The following PCDHGA3 variants were observed in gnomAD, a reference collection of about 807,000 sequenced individuals.
The protein encoded by PCDHGA3 is protocadherin gamma subfamily A, 3, also known as protocadherin gamma-A3.
Under a neutral mutation model 58.5 loss-of-function variants are expected in PCDHGA3, and 40 were observed. The observed-to-expected ratio is 0.68, with a 90% CI of 0.53 to 0.89. The LOEUF (loss-of-function observed/expected upper bound fraction) is 0.89, where lower values mean the gene tolerates loss of function less well. Among genes scored for constraint, PCDHGA3 ranks in the 40% least tolerant of loss-of-function variants. The pLI is 0.00. For synonymous variants in PCDHGA3, 530 were observed against 525.7 expected (o/e 1.01, Z -0.11); for missense variants, 1,223 against 1,195.9 (o/e 1.02, Z -0.33).
rs1299543517 is a variant in PCDHGA3, at chr5:141,344,385, G to T, written c.352G>T (p.Glu118Ter). The T allele has an allele frequency of 2.5e-6, 4 of 1,612,432 alleles. No homozygotes were observed. In the Admixed American group the frequency reaches 5.0e-5, roughly 20 times the overall value. The change falls in exon 1 of 4, where the codon GAA becomes TAA. Residue 118 changes from glutamate (E) to a stop codon, truncating the protein, a stop_gained. Coordinates refer to ENST00000253812, the MANE Select transcript of PCDHGA3 (RefSeq NM_018916.4). LOFTEE classifies it high-confidence loss of function. ...GGTTGAGGATAAATTGAAAATTTTT[G>T]AAGTAGAAATAGAAATTAAAGATAT... ...ILVEDKLKIF[E>*]VEIEIKDIND... is the part of the protein sequence containing the mutation.
In PCDHGA3 at chr5:141,432,976, C is replaced by A. The variant is rs373558125; in HGVS notation, c.2425-61831C>A. The stretch of plus-strand genomic sequence containing the variant: ...GCTTGACAGGAGCGCCGGCGTCGCA[C>A]TTTGTGGGCGTGGACGGGGTGCAGG... On this transcript the variant is annotated intron_variant, in intron 1 of 3. Coordinates refer to ENST00000253812, the MANE Select transcript of PCDHGA3 (RefSeq NM_018916.4). This position sits in a 1 kb window ranked among gnomAD's most constrained non-coding sequence, Gnocchi z 6.0. 1 of 1,614,210 alleles carries A rather than the reference C, an allele frequency of 6.2e-7. No individual in the cohort carries two copies.
At chr5:141,371,652 G>A (rs1158442459) in intron 1 of PCDHGA3, 1 of 1,614,048 alleles carries the variant, frequency 6.2e-7, no homozygotes, top group East Asian at 2.2e-5. Flanking sequence ...AGAATACAAT[G>A]TGACGATCAC....
rs557968224 is a variant in PCDHGA3, at chr5:141,360,941, G to A, written c.2424+14484G>A. On this transcript the variant is annotated intron_variant, in intron 1 of 3. Coordinates refer to ENST00000253812, the MANE Select transcript of PCDHGA3 (RefSeq NM_018916.4). ...GTGCTTCAAGTGACAGCCACCGACC[G>A]GGATGAAGGCATAAACGCAGAGATC... The A allele has an allele frequency of 2.5e-6, 4 of 1,613,946 alleles. No homozygotes were observed. The South Asian group carries it at 3.3e-5, about 13-fold the overall frequency.
At chr5:141,422,434 T>C in intron 1 of PCDHGA3, 5 of 1,609,566 alleles carry the variant, frequency 3.1e-6, no homozygotes, top group Non-Finnish European at 3.4e-6. Context: ...TGGAAATTAT[T>C]ACAAATTGAT....
At chr5:141,394,430 C>T (rs2150569215) in intron 1 of PCDHGA3, 1 of 1,614,244 alleles carries the variant, frequency 6.2e-7, no homozygotes, top group African/African-American at 1.3e-5. Context: ...ACAGCGGGGA[C>T]CCGCCCCTCA....
intron 1 of PCDHGA3, chr5:141,398,210 C>T (rs755562930): frequency 1.3e-6 from 2 of 1,483,862 alleles, no homozygotes; most frequent in South Asian, 1.3e-5. Flanking sequence ...TTCTGCCCGG[C>T]GCTCTGTGAG....
Position 141,344,822 on chromosome 5 carries a change from G to C in PCDHGA3, c.789G>C (p.Thr263=). ...TGCCTGTGGGTACCCGGCTGCTCACGGTGAATGCCACTGACCCTGACGAGG... is the reference window on the plus strand; with the variant it reads ...TGCCTGTGGGTACCCGGCTGCTCACCGTGAATGCCACTGACCCTGACGAGG... The part of the protein sequence containing the change: ...ENVPVGTRLL[T]VNATDPDEGF... The change falls in exon 1 of 4, where the codon ACG becomes ACC. Residue 263 remains threonine (T), a synonymous_variant. Coordinates refer to ENST00000253812, the MANE Select transcript of PCDHGA3 (RefSeq NM_018916.4). 6.2e-7 allele frequency: 1 copy of C among 1,613,948 alleles called. No individual in the cohort carries two copies. Among genetic ancestry groups the C allele is most frequent in the South Asian group, 1.1e-5 (1 of 91,078 alleles).
At chr5:141,426,033 C>G (rs978171140) in intron 1 of PCDHGA3, among the ~76,000 whole-genome samples, 14 of 152,162 alleles carry the variant, frequency 9.2e-5, no homozygotes, top group African/African-American at 3.1e-4. Context: ...AGACTCAGAG[C>G]CCTGCTGTTG....
intron 1 of PCDHGA3, chr5:141,395,105 G>T: frequency 1.9e-6 from 3 of 1,614,220 alleles, no homozygotes; most frequent in Non-Finnish European, 2.5e-6. Context: ...CCGACTCGCG[G>T]AAGAGTCACC....
intron 1 of PCDHGA3, chr5:141,395,737 A>T (rs2093305517): frequency 6.5e-6 from 1 of 152,906 alleles, no homozygotes; most frequent in Non-Finnish European, 1.5e-5. Flanking sequence ...TTCACTTTAA[A>T]CCTCTTTTCT....
chr5:141,350,772 C>A, intron 1 of PCDHGA3: 1 of 1,613,910 alleles, frequency 6.2e-7, no homozygotes, highest in South Asian at 1.1e-5. Flanking sequence ...ACCATCAACC[C>A]CAATCAATAC....
In PCDHGA3 at chr5:141,365,219, A is replaced by G. The variant is rs569659080; in HGVS notation, c.2424+18762A>G. 1.4e-5 allele frequency: 22 copies of G among 1,613,962 alleles called. No homozygotes were observed. The Admixed American group carries it at 2.3e-4, about 17-fold the overall frequency. ...TTCGGAGACTTTCCAACTTGATTCC[A>G]ACCTGGGGGAAATCTCAACTCTACA... On this transcript the variant is annotated intron_variant, in intron 1 of 3. Coordinates refer to ENST00000253812, the MANE Select transcript of PCDHGA3 (RefSeq NM_018916.4).
rs1457243337 is a variant in PCDHGA3 at position 141,493,567 on chromosome 5, C to T, written c.2425-1240C>T. Reference sequence around the variant, plus strand: ...TTTGGAGATTGAGTTCCCCCAGCTCCGTTTCCTCCTATCACAATCACTGCA... The same window carrying T: ...TTTGGAGATTGAGTTCCCCCAGCTCTGTTTCCTCCTATCACAATCACTGCA... On this transcript the variant is annotated intron_variant, in intron 1 of 3. Transcript: ENST00000253812. This position sits in a 1 kb window ranked among gnomAD's most constrained non-coding sequence, Gnocchi z 4.3. Among the ~76,000 whole-genome samples, 3 of 152,266 alleles carry T rather than the reference C, an allele frequency of 2.0e-5. No individual in the cohort carries two copies. The highest frequency in any genetic ancestry group is 4.4e-5 in the Non-Finnish European group (3 of 68,018).
At chr5:141,359,997 C>A in intron 1 of PCDHGA3, 1 of 1,120,990 alleles carries the variant, frequency 8.9e-7, no homozygotes, top group Non-Finnish European at 1.2e-6. Context: ...GAACTTCCTG[C>A]ACAAACCAAC....
At chr5:141,370,542 C>A in intron 1 of PCDHGA3, 1 of 1,613,902 alleles carries the variant, frequency 6.2e-7, no homozygotes, top group Non-Finnish European at 8.5e-7. Flanking sequence ...GGTAGGGAAC[C>A]TCGCCAAGGA....
Position 141,383,159 on chromosome 5 carries a change from CG to C in PCDHGA3, c.2424+36705del, listed in dbSNP as rs546342817. ...CAGCGCAGCGGCAGCTTGGTCACTG[CG>C]GGCAGGATAGACCGGGAAGAGATCT... On this transcript the variant is annotated intron_variant, in intron 1 of 3. Transcript: ENST00000253812. 2.4e-4 allele frequency: 391 copies of C among 1,614,104 alleles called. 5 individuals are homozygous for C. In the South Asian group the frequency reaches 3.9e-3, roughly 16 times the overall value.
At chr5:141,409,069 A>G (rs886525915) in intron 1 of PCDHGA3, 5 of 1,614,008 alleles carry the variant, frequency 3.1e-6, no homozygotes, top group Non-Finnish European at 4.2e-6. Context: ...AGAGCACAAA[A>G]CATATGTTCT....
At position 141,344,118 on chromosome 5, in the gene PCDHGA3, G is replaced by T. The variant is rs780017426; in HGVS notation, c.85G>T (p.Gly29Cys). Residue 29 changes from glycine to cysteine, a missense_variant, in exon 1 of 4, where the codon GGT becomes TGT. Gly to Cys is a radical substitution (Grantham distance 159, BLOSUM62 -3). Transcript: ENST00000253812. ...GGGGACGCTGTGCGAAACAGGATCC[G>T]GTCAGATCCGCTACTCGGTGTCTGA... ...LLGTLCETGS[G>C]QIRYSVSEEL... 6.8e-6 allele frequency: 11 copies of T among 1,613,874 alleles called. No homozygotes were observed. In the East Asian group the frequency reaches 1.6e-4, roughly 23 times the overall value.
chr5:141,345,406 C>A lies in PCDHGA3; in HGVS notation c.1373C>A (p.Ser458Tyr), dbSNP rs934034695. ...NPPTFPHLSY[S>Y]AYIPENNPRG... ...CCCACCTTCCCTCATTTATCCTACTCCGCCTACATTCCAGAAAACAACCCC... is the reference window on the plus strand; with the variant it reads ...CCCACCTTCCCTCATTTATCCTACTACGCCTACATTCCAGAAAACAACCCC... The change falls in exon 1 of 4, where the codon TCC becomes TAC. Residue 458 changes from serine (S) to tyrosine (Y), a missense_variant. Around this residue, in one of 3 missense-constraint regions of PCDHGA3, gnomAD observed 791 missense variants for 708.5 expected, o/e 1.12. Transcript: ENST00000253812. 1 of 1,614,138 alleles carries A rather than the reference C, an allele frequency of 6.2e-7. No individual in the cohort carries two copies. The highest frequency in any genetic ancestry group is 8.5e-7 in the Non-Finnish European group (1 of 1,180,026).
Sources: gnomAD v4.1 joint callset for allele counts (sites outside exome capture counted in the v4.1 genomes callset) on GRCh38, gnomAD v4.1.1 for gene constraint, gnomAD v4.1.1 regional missense constraint, Gnocchi (gnomAD v3.1) non-coding constraint, MANE v1.5 for transcripts, NCBI Gene and HGNC (gene_info 2026-07-23, HGNC 2026-07-21) for gene names.